MS4A14: variants seen among roughly 807,000 people sequenced by gnomAD.
MS4A14 encodes the protein membrane spanning 4-domains A14.
MS4A14 carries 18 observed loss-of-function variants against 16.7 expected under a neutral mutation model. The observed-to-expected ratio is 1.08, with a 90% CI of 0.75 to 1.60. The LOEUF (loss-of-function observed/expected upper bound fraction) is 1.60, where lower values mean the gene tolerates loss of function less well. MS4A14 is among the 40% of genes most tolerant of loss of function. The probability of loss-of-function intolerance (pLI) is 0.00; values close to 1 mark genes in which losing one functional copy is unlikely to be tolerated. For synonymous variants in MS4A14, 305 were observed against 289.4 expected, an observed-to-expected ratio of 1.05 and a Z score of -0.55; for missense variants, 812 against 775.3, an observed-to-expected ratio of 1.05 and a Z score of -0.56.
chr11:60,403,361 A>T (rs1474753849), intron 4 of MS4A14, among the ~76,000 whole-genome samples: 1 of 152,162 alleles, frequency 6.6e-6, no homozygotes, highest in African/African-American at 2.4e-5. Context: ...TGTTGTGAGG[A>T]TTGCTTAAAT....
rs1590823516 is a variant in MS4A14, at chr11:60,416,302, C to T, written c.1334C>T (p.Thr445Ile). The change falls in exon 5 of 5, where the codon ACT (threonine) becomes ATT (isoleucine). Residue 445 changes from threonine (T) to isoleucine (I), a missense_variant. Thr to Ile is a moderately conservative substitution (Grantham distance 89). Transcript: ENST00000300187. Reference protein sequence around the residue: ...QQPPDLQPENTEPQNQQILQM... With the variant: ...QQPPDLQPENIEPQNQQILQM... ...CCCCCAGATCTTCAACCAGAAAACACTGAACCTCAAAACCAGCAAATTTTA... is the reference window on the plus strand; with the variant it reads ...CCCCCAGATCTTCAACCAGAAAACATTGAACCTCAAAACCAGCAAATTTTA... 2 of 1,613,994 alleles carry T rather than the reference C, an allele frequency of 1.2e-6. No individual in the cohort carries two copies. The highest frequency in any genetic ancestry group is 1.7e-6 in the Non-Finnish European group (2 of 1,179,954).
chr11:60,407,056 C>A (rs1424507303), intron 4 of MS4A14, among the ~76,000 whole-genome samples: 5 of 133,808 alleles, frequency 3.7e-5, no homozygotes, highest in African/African-American at 8.4e-5. Flanking sequence ...ACTCTATGAC[C>A]CAGGCTGGAA....
intron 2 of MS4A14, among the ~76,000 whole-genome samples, chr11:60,398,670 GAATC>G (rs199652019): frequency 2.0e-4 from 31 of 152,038 alleles, no homozygotes; most frequent in Non-Finnish European, 2.8e-4. Flanking sequence ...ACGAACGAAT[GAATC>G]AATCAATCAA....
Position 60,397,858 on chromosome 11 carries a change from C to T in MS4A14, c.145C>T (p.Gln49Ter), listed in dbSNP as rs2085651217. The T allele has an allele frequency of 6.2e-7, 1 of 1,600,890 alleles. No homozygotes were observed. Among genetic ancestry groups the T allele is most frequent in the Non-Finnish European group, 8.5e-7 (1 of 1,174,538 alleles). The change falls in exon 2 of 5, where the codon CAG becomes TAG. Residue 49 changes from glutamine (Q) to a stop codon, truncating the protein, a stop_gained. Coordinates refer to ENST00000300187, the MANE Select transcript of MS4A14 (RefSeq NM_032597.5). LOFTEE classifies it high-confidence loss of function. ...KGEPRVLGATQILLALIIVGF... is the reference protein window; with the variant it reads ...KGEPRVLGAT ...CCCATTTCTCTCCTCACAGGCTACC[C>T]AGATCCTGCTTGCTCTAATCATTGT...
At position 60,402,784 on chromosome 11, in the gene MS4A14, A is replaced by G. The variant is rs1023510474; in HGVS notation, c.319-128A>G. ...TTAGTTTATTAAGCCTTCCAATCAT[A>G]CTGACCTGATGGAACAACTCTTCCC... On this transcript the variant is annotated intron_variant, in intron 3 of 4. Transcript: ENST00000300187. 8.6e-6 allele frequency: 8 copies of G among 929,890 alleles called. No individual in the cohort carries two copies. The African/African-American group carries it at 1.2e-4, about 14-fold the overall frequency. The allele number at this position is 929,890 out of a possible 1,614,324, so 57.6% of individuals were successfully genotyped here.
intron 3 of MS4A14, among the ~76,000 whole-genome samples, chr11:60,402,235 T>C (rs894157083): frequency 1.3e-5 from 2 of 152,032 alleles, no homozygotes; most frequent in African/African-American, 4.8e-5. Flanking sequence ...AATATTTTTA[T>C]TGCAACAATG....
At chr11:60,397,361 CTA>C (rs2085641611) in intron 1 of MS4A14, among the ~76,000 whole-genome samples, 1 of 152,084 alleles carries the variant, frequency 6.6e-6, no homozygotes, top group African/African-American at 2.4e-5. Flanking sequence ...GTTCTCCACT[CTA>C]TGTCATCAAA....
At chr11:60,402,391 T>C (rs1324969930) in intron 3 of MS4A14, among the ~76,000 whole-genome samples, 2 of 152,204 alleles carry the variant, frequency 1.3e-5, no homozygotes, top group East Asian at 3.8e-4. Flanking sequence ...TGTTCATTTT[T>C]GTTTCTCCAG....
At position 60,415,840 on chromosome 11, in the gene MS4A14, C is replaced by G. The variant is rs138285006; in HGVS notation, c.872C>G (p.Thr291Ser). Residue 291 changes from threonine (T) to serine (S), a missense_variant, in exon 5 of 5, where the codon ACC becomes AGC. Coordinates refer to ENST00000300187, the MANE Select transcript of MS4A14 (RefSeq NM_032597.5). ...SAIVQPSQMQ[T>S]KLLQDQAASL... ...ATTGTACAACCTTCTCAAATGCAAA[C>G]CAAGCTTCTGCAGGACCAAGCTGCG... The G allele has an allele frequency of 6.2e-7, 1 of 1,613,766 alleles. No individual in the cohort carries two copies. The highest frequency in any genetic ancestry group is 8.5e-7 in the Non-Finnish European group (1 of 1,179,932).
At chr11:60,412,168 T>C (rs937489819) in intron 4 of MS4A14, among the ~76,000 whole-genome samples, 4 of 152,110 alleles carry the variant, frequency 2.6e-5, no homozygotes, top group Non-Finnish European at 5.9e-5. Flanking sequence ...TATCTACACT[T>C]ATAAAGGATA....
chr11:60,397,981 G>A lies in MS4A14; in HGVS notation c.267+1G>A. ...ATATCCATTCTGGGGAGCACTTATT[G>A]TGAGTACTGTCGATTAGAAGCTTTG... On this transcript the variant is annotated splice_donor_variant, in intron 2 of 4. Transcript: ENST00000300187. LOFTEE classifies it high-confidence loss of function. The A allele has an allele frequency of 6.2e-7, 1 of 1,612,938 alleles. No individual in the cohort carries two copies. Among genetic ancestry groups the A allele is most frequent in the South Asian group, 1.1e-5 (1 of 91,046 alleles).
chr11:60,403,132 A>G (rs972435558), intron 4 of MS4A14, 71 bp downstream of exon 4: 16 of 1,486,170 alleles, frequency 1.1e-5, no homozygotes, highest in Non-Finnish European at 1.5e-5. Context: ...GTAATGATTC[A>G]CTGATTTTTA....
chr11:60,397,937 C>T lies in MS4A14; in HGVS notation c.224C>T (p.Pro75Leu). ...TACATCGGTTTCTCCCAAAGACTTC[C>T]CCTTGTTGTCCTCACAGGATATCCA... ...LNYIGFSQRL[P>L]LVVLTGYPFW... Residue 75 changes from proline (P) to leucine (L), a missense_variant, in exon 2 of 5, where the codon CCC (proline) becomes CTC (leucine). Coordinates refer to ENST00000300187, the MANE Select transcript of MS4A14 (RefSeq NM_032597.5). The T allele has an allele frequency of 6.2e-7, 1 of 1,613,632 alleles. No individual in the cohort carries two copies. The highest frequency in any genetic ancestry group is 1.7e-5 in the Admixed American group (1 of 60,014).
rs761288448 is a variant in MS4A14 at position 60,416,122 on chromosome 11, T to A, written c.1154T>A (p.Met385Lys). 5 of 1,610,066 alleles carry A rather than the reference T, an allele frequency of 3.1e-6. No individual in the cohort carries two copies. The East Asian group carries it at 1.1e-4, about 36-fold the overall frequency. ...MTSQDMQSLD[M>K]LSQDTPSHAM... The stretch of plus-strand genomic sequence containing the variant: ...TCCCAAGATATGCAATCCCTAGATA[T>A]GCTATCTCAAGACACACCATCCCAC... Residue 385 changes from methionine to lysine, a missense_variant, in exon 5 of 5, where the codon ATG (methionine) becomes AAG (lysine). Met to Lys is a moderately conservative substitution (Grantham distance 95). Transcript: ENST00000300187.
At chr11:60,399,334 C>T (rs2085676771) in intron 2 of MS4A14, among the ~76,000 whole-genome samples, 1 of 152,144 alleles carries the variant, frequency 6.6e-6, no homozygotes, top group African/African-American at 2.4e-5. Context: ...GGAAGGAAAG[C>T]ATCCCTGGCA....
chr11:60,402,758 T>A (rs1189518190), intron 3 of MS4A14, among the ~76,000 whole-genome samples, 154 bp from the exon 4 acceptor site: 1 of 152,180 alleles, frequency 6.6e-6, no homozygotes, highest in African/African-American at 2.4e-5. Flanking sequence ...TGAGTTAGAA[T>A]TTAGTTTATT....
intron 3 of MS4A14, among the ~76,000 whole-genome samples, chr11:60,401,885 G>T (rs1165732612): frequency 6.6e-6 from 1 of 152,262 alleles, no homozygotes; most frequent in Non-Finnish European, 1.5e-5. Context: ...AAAAACCTGG[G>T]ATTGAGGTAA....
At chr11:60,412,337 A>G (rs1288564481) in intron 4 of MS4A14, among the ~76,000 whole-genome samples, 1 of 151,672 alleles carries the variant, frequency 6.6e-6, no homozygotes, top group Admixed American at 6.6e-5. Flanking sequence ...TTTTGGTAGA[A>G]TTCACTGGTG....
chr11:60,413,256 A>G (rs2135150550), intron 4 of MS4A14, among the ~76,000 whole-genome samples: 1 of 151,900 alleles, frequency 6.6e-6, no homozygotes, highest in Non-Finnish European at 1.5e-5. Context: ...GAATTTTCTT[A>G]GTAGATAACC....
Sources: allele counts gnomAD v4.1 joint callset (sites outside exome capture counted in the v4.1 genomes callset), GRCh38; gene constraint gnomAD v4.1.1; transcripts MANE v1.5; gene names NCBI Gene and HGNC (gene_info 2026-07-23, HGNC 2026-07-21).